The following CFL2 variants were observed in gnomAD, a reference collection of about 807,000 sequenced individuals.
CFL2 encodes the protein cofilin-2.
Under a neutral mutation model 19.6 loss-of-function variants are expected in CFL2, and 10 were observed. The ratio of observed to expected loss-of-function variants is 0.51; its 90% CI spans 0.31 to 0.86. The LOEUF is 0.86. Ranked by LOEUF, CFL2 falls within the 40% of genes least tolerant of loss-of-function variation. The pLI is 0.04. For missense variants in CFL2, 125 were observed against 192.1 expected (o/e 0.65, Z 2.06); for synonymous variants, 63 against 66.7 (o/e 0.95, Z 0.27).
At position 34,709,179 on chromosome 14, in the gene CFL2, A is replaced by G. The variant is rs961813435; in HGVS notation, c.*3686T>C. The G allele has an allele frequency of 6.6e-6, 1 of 152,192 alleles. No homozygotes were observed. Among genetic ancestry groups the G allele is most frequent in the African/African-American group, 2.4e-5 (1 of 41,446 alleles). 9.4% of individuals were successfully genotyped at this position (152,192 alleles called of 1,614,324 possible). A position where few individuals can be genotyped will look rare whatever the true frequency, so the allele number is the denominator to read the frequency against. ...TACAGTAATTAAGAATGAATAGTTT[A>G]AACAGATTATTGCATTTACATAGCA... On this transcript the variant is annotated 3_prime_UTR_variant, in exon 4 of 4. Transcript: ENST00000298159.
In CFL2 at chr14:34,709,274, C is replaced by T. The variant is rs1261760655; in HGVS notation, c.*3591G>A. 1.3e-5 allele frequency: 2 copies of T among 151,958 alleles called. No individual in the cohort carries two copies. The highest frequency in any genetic ancestry group is 4.8e-5 in the African/African-American group (2 of 41,356). The allele number at this position is 151,958 out of a possible 1,614,324, so 9.4% of individuals were successfully genotyped here. A position where few individuals can be genotyped will look rare whatever the true frequency, so the allele number is the denominator to read the frequency against. ...ACATGGTAAACAGATATTACCGTTCCCATACTATGGGTTAAAAAACTGAGA... is the reference window on the plus strand; with the variant it reads ...ACATGGTAAACAGATATTACCGTTCTCATACTATGGGTTAAAAAACTGAGA... On this transcript the variant is annotated 3_prime_UTR_variant, in exon 4 of 4. Coordinates refer to ENST00000298159, the MANE Select transcript of CFL2 (RefSeq NM_138638.5).
rs1885276504 is a variant in CFL2, at chr14:34,711,242, T to C, written c.*1623A>G. 2.2e-6 allele frequency: 1 copy of C among 454,414 alleles called. No homozygotes were observed. Among genetic ancestry groups the C allele is most frequent in the Non-Finnish European group, 4.4e-6 (1 of 226,792 alleles). 28.1% of individuals were successfully genotyped at this position (454,414 alleles called of 1,614,324 possible). ...AAAAGCATTCCTCTGAGCTATGGGGTTAAGTTCTGAGCCACGACTGACTGC... is the reference window on the plus strand; with the variant it reads ...AAAAGCATTCCTCTGAGCTATGGGGCTAAGTTCTGAGCCACGACTGACTGC... On this transcript the variant is annotated 3_prime_UTR_variant, in exon 4 of 4. Transcript: ENST00000298159.
chr14:34,713,475 T>G lies in CFL2; in HGVS notation c.90A>C (p.Lys30Asn). Residue 30 changes from lysine (K) to asparagine (N), a missense_variant, in exon 2 of 4, where the codon AAA (lysine) becomes AAC (asparagine). Physicochemically the swap from Lys to Asn is moderately conservative, Grantham distance 94. Transcript: ENST00000298159. ...VRKSSTQEEI[K>N]KRKKAVLFCL... ...AGAAGAGAACTGCTTTCTTTCTCTT[T>G]TTGATCTCCTCTTGTGTAGAAGATT... The G allele has an allele frequency of 6.2e-7, 1 of 1,614,072 alleles. No individual in the cohort carries two copies. Among genetic ancestry groups the G allele is most frequent in the Non-Finnish European group, 8.5e-7 (1 of 1,179,920 alleles).
rs372557449 is a variant in CFL2 at position 34,712,213 on chromosome 14, CAAA to C, written c.*649_*651del. On this transcript the variant is annotated 3_prime_UTR_variant, in exon 4 of 4. Coordinates refer to ENST00000298159, the MANE Select transcript of CFL2 (RefSeq NM_138638.5). ...TCAGTAGTGTACACTCAATGGAAAA[CAAA>C]AAGGCATTAATAACAGCTATTTCTT... The C allele has an allele frequency of 5.4e-4, 244 of 454,274 alleles. 1 individual carries two copies. The Middle Eastern group carries it at 0.01, about 19-fold the overall frequency. The allele number at this position is 454,274 out of a possible 1,614,324, so 28.1% of individuals were successfully genotyped here.
intron 2 of CFL2, 40 bp from the exon 3 acceptor site, chr14:34,713,176 A>G: frequency 1.9e-6 from 3 of 1,577,190 alleles, no homozygotes. Flanking sequence ...CATTTATAAG[A>G]AAAACAAAGG....
In CFL2 at chr14:34,711,969, A is replaced by T. The variant is rs1182311260; in HGVS notation, c.*896T>A. 4.4e-6 allele frequency: 2 copies of T among 454,502 alleles called. No individual in the cohort carries two copies. The highest frequency in any genetic ancestry group is 8.8e-6 in the Non-Finnish European group (2 of 226,728). 28.2% of individuals were successfully genotyped at this position (454,502 alleles called of 1,614,324 possible). A position where few individuals can be genotyped will look rare whatever the true frequency, so the allele number is the denominator to read the frequency against. On this transcript the variant is annotated 3_prime_UTR_variant, in exon 4 of 4. Coordinates refer to ENST00000298159, the MANE Select transcript of CFL2 (RefSeq NM_138638.5). ...GTTTTTACCCTAGAAGTTGTTTCAC[A>T]TAACATTTTGCAAAATTTCCAAGGA... is the stretch of plus-strand genomic sequence containing the variant.
rs779309520 is a variant in CFL2, at chr14:34,712,785, C to A, written c.*80G>T. On this transcript the variant is annotated 3_prime_UTR_variant, in exon 4 of 4. Coordinates refer to ENST00000298159, the MANE Select transcript of CFL2 (RefSeq NM_138638.5). The stretch of plus-strand genomic sequence containing the variant: ...GGAAAGGGGGAAATACAACAAAAAA[C>A]CAAAACCTAATACTATTCCAATGGA... 1.3e-5 allele frequency: 11 copies of A among 866,514 alleles called. No homozygotes were observed. The highest frequency in any genetic ancestry group is 1.6e-5 in the African/African-American group (1 of 60,658). 53.7% of individuals were successfully genotyped at this position (866,514 alleles called of 1,614,324 possible).
rs780623732 is a variant in CFL2, at chr14:34,712,958, T to C, written c.408A>G (p.Gln136=). Residue 136 remains glutamine, a synonymous_variant, in exon 4 of 4, where the codon CAA becomes CAG. Coordinates refer to ENST00000298159, the MANE Select transcript of CFL2 (RefSeq NM_138638.5). ...KKFTGIKHEW[Q]VNGLDDIKDR... is the part of the protein sequence containing the mutation. ...CCTTAATATCATCCAAGCCATTTACTTGCCACTCATGTTTAATACCTAAAA... is the reference window on the plus strand; with the variant it reads ...CCTTAATATCATCCAAGCCATTTACCTGCCACTCATGTTTAATACCTAAAA... The C allele has an allele frequency of 1.9e-6, 3 of 1,608,186 alleles. No individual in the cohort carries two copies. The highest frequency in any genetic ancestry group is 2.7e-5 in the African/African-American group (2 of 74,932).
Position 34,712,111 on chromosome 14 carries a change from T to C in CFL2, c.*754A>G. On this transcript the variant is annotated 3_prime_UTR_variant, in exon 4 of 4. Transcript: ENST00000298159. ...CATTTAAGGCTCTTTTATACAGAAA[T>C]TGCCATCATGACTGATATTCAAAAT... 1.1e-5 allele frequency: 5 copies of C among 454,520 alleles called. 1 individual carries two copies. Among genetic ancestry groups the C allele is most frequent in the South Asian group, 7.8e-5 (5 of 64,472 alleles). 28.2% of individuals were successfully genotyped at this position (454,520 alleles called of 1,614,324 possible). A position where few individuals can be genotyped will look rare whatever the true frequency, so the allele number is the denominator to read the frequency against.
At chr14:34,714,071 G>A (rs1885412246) in intron 1 of CFL2, 2 of 392,778 alleles carry the variant, frequency 5.1e-6, no homozygotes, top group Admixed American at 4.2e-5. Flanking sequence ...CTAACTGATC[G>A]AGTGTAAAAG....
rs1255212712 is a variant in CFL2 at position 34,711,025 on chromosome 14, A to C, written c.*1840T>G. On this transcript the variant is annotated 3_prime_UTR_variant, in exon 4 of 4. Coordinates refer to ENST00000298159, the MANE Select transcript of CFL2 (RefSeq NM_138638.5). Reference sequence around the variant, plus strand: ...CAGGGACAGCTGGAAGCCTGAAATAAAATTGCTCAGTGCAAAAAGATCCCA... The same window carrying C: ...CAGGGACAGCTGGAAGCCTGAAATACAATTGCTCAGTGCAAAAAGATCCCA... 2.2e-6 allele frequency: 1 copy of C among 454,022 alleles called. No homozygotes were observed. The highest frequency in any genetic ancestry group is 2.4e-5 in the Admixed American group (1 of 42,552). 28.1% of individuals were successfully genotyped at this position (454,022 alleles called of 1,614,324 possible). A position where few individuals can be genotyped will look rare whatever the true frequency, so the allele number is the denominator to read the frequency against.
At position 34,711,488 on chromosome 14, in the gene CFL2, C is replaced by T; in HGVS notation, c.*1377G>A. 2.2e-6 allele frequency: 1 copy of T among 454,474 alleles called. No homozygotes were observed. The highest frequency in any genetic ancestry group is 4.4e-6 in the Non-Finnish European group (1 of 226,784). 28.2% of individuals were successfully genotyped at this position (454,474 alleles called of 1,614,324 possible). A position where few individuals can be genotyped will look rare whatever the true frequency, so the allele number is the denominator to read the frequency against. On this transcript the variant is annotated 3_prime_UTR_variant, in exon 4 of 4. Transcript: ENST00000298159. ...AGACTGCTATTATCAATTCCTATTCCAATTCAATTTGCAAAATATATTCAG... is the reference window on the plus strand; with the variant it reads ...AGACTGCTATTATCAATTCCTATTCTAATTCAATTTGCAAAATATATTCAG...
intron 2 of CFL2, 42 bp downstream of exon 2, chr14:34,713,212 C>A (rs1449921640): frequency 7.5e-7 from 1 of 1,338,992 alleles, no homozygotes; most frequent in Admixed American, 1.8e-5. Context: ...TAATAATAAT[C>A]CTTGCATTTT....
Position 34,713,141 on chromosome 14 carries a change from A to AG in CFL2, c.312-6dup, listed in dbSNP as rs745669852. The AG allele has an allele frequency of 1.3e-6, 2 of 1,555,966 alleles. No individual in the cohort carries two copies. The highest frequency in any genetic ancestry group is 2.3e-5 in the South Asian group (2 of 86,254). On this transcript the variant is annotated splice_region_variant and splice_polypyrimidine_tract_variant and intron_variant, in intron 2 of 3. Coordinates refer to ENST00000298159, the MANE Select transcript of CFL2 (RefSeq NM_138638.5). ...AAAGGTGCACTTTCAGGAGCCCTAC[A>AG]GAAAAAAAAAAAATTATTGAATCCC... is the stretch of plus-strand genomic sequence containing the variant.
In CFL2 at chr14:34,711,062, T is replaced by C. The variant is rs762205022; in HGVS notation, c.*1803A>G. On this transcript the variant is annotated 3_prime_UTR_variant, in exon 4 of 4. Coordinates refer to ENST00000298159, the MANE Select transcript of CFL2 (RefSeq NM_138638.5). ...GCAAAAAGATCCCAAACCATTCATATAATTTTAAATGGAAGCCTAGACATT... is the reference window on the plus strand; with the variant it reads ...GCAAAAAGATCCCAAACCATTCATACAATTTTAAATGGAAGCCTAGACATT... 1.1e-4 allele frequency: 51 copies of C among 454,030 alleles called. No homozygotes were observed. The highest frequency in any genetic ancestry group is 6.8e-4 in the South Asian group (44 of 64,482). The allele number at this position is 454,030 out of a possible 1,614,324, so 28.1% of individuals were successfully genotyped here.
rs1393930124 is a variant in CFL2 at position 34,709,995 on chromosome 14, T to A, written c.*2870A>T. 8 of 152,382 alleles carry A rather than the reference T, an allele frequency of 5.2e-5. No individual in the cohort carries two copies. Among genetic ancestry groups the A allele is most frequent in the African/African-American group, 1.9e-4 (8 of 41,440 alleles). 9.4% of individuals were successfully genotyped at this position (152,382 alleles called of 1,614,324 possible). On this transcript the variant is annotated 3_prime_UTR_variant, in exon 4 of 4. Coordinates refer to ENST00000298159, the MANE Select transcript of CFL2 (RefSeq NM_138638.5). ...CCTAAGAGTCTTCTCAACCTCTTGA[T>A]GATTTACCATTGTTGAGATTATTCC...
chr14:34,713,598 A>G (rs759900342), intron 1 of CFL2, 37 bp from the exon 2 acceptor site: 4 of 1,613,976 alleles, frequency 2.5e-6, no homozygotes, highest in Non-Finnish European at 3.4e-6. Flanking sequence ...CAGAACACGT[A>G]TTTTGGTTTT....
chr14:34,712,642 G>T lies in CFL2; in HGVS notation c.*223C>A. 2 of 656,250 alleles carry T rather than the reference G, an allele frequency of 3.0e-6. No homozygotes were observed. Among genetic ancestry groups the T allele is most frequent in the Middle Eastern group, 4.0e-4 (1 of 2,494 alleles). 40.7% of individuals were successfully genotyped at this position (656,250 alleles called of 1,614,324 possible). ...AGTTGTTTTGGCTAAAATATGACAG[G>T]AAGGCATTCCTTGGGTTCTATATAA... is the stretch of plus-strand genomic sequence containing the variant. On this transcript the variant is annotated 3_prime_UTR_variant, in exon 4 of 4. Coordinates refer to ENST00000298159, the MANE Select transcript of CFL2 (RefSeq NM_138638.5).
In CFL2 at chr14:34,712,727, T is replaced by C; in HGVS notation, c.*138A>G. On this transcript the variant is annotated 3_prime_UTR_variant, in exon 4 of 4. Coordinates refer to ENST00000298159, the MANE Select transcript of CFL2 (RefSeq NM_138638.5). ...TGATAGGCTGCTTAAATAAATGATA[T>C]TTCCTTCATTCATTGTGTTGGAAGG... 1.4e-6 allele frequency: 1 copy of C among 714,500 alleles called. No homozygotes were observed. Among genetic ancestry groups the C allele is most frequent in the Admixed American group, 2.0e-5 (1 of 50,276 alleles). 44.3% of individuals were successfully genotyped at this position (714,500 alleles called of 1,614,324 possible). A position where few individuals can be genotyped will look rare whatever the true frequency, so the allele number is the denominator to read the frequency against.
Sources: allele counts gnomAD v4.1 joint callset, GRCh38; gene constraint gnomAD v4.1.1; transcripts MANE v1.5; gene names NCBI Gene and HGNC (gene_info 2026-07-23, HGNC 2026-07-21).